FAM185A: variants seen among roughly 807,000 people sequenced by gnomAD.
FAM185A encodes family with sequence similarity 185 member A, also known as protein FAM185A.
In FAM185A, 21 loss-of-function variants were observed where a neutral mutation model predicts 45.7. The observed-to-expected ratio is 0.46, with a 90% CI of 0.33 to 0.66. The LOEUF is 0.66. Among genes scored for constraint, FAM185A ranks in the 30% least tolerant of loss-of-function variants. FAM185A has a pLI of 0.03. For missense variants in FAM185A, 305 were observed against 485.4 expected (o/e 0.63, Z 3.49); for synonymous variants, 117 against 194.0 (o/e 0.60, Z 3.30).
Position 102,761,322 on chromosome 7 carries a change from A to C in FAM185A, c.704A>C (p.Glu235Ala). The change falls in exon 4 of 8, where the codon GAA becomes GCA. Residue 235 changes from glutamate (E) to alanine (A), a missense_variant. Glu to Ala is a moderately radical substitution (Grantham distance 107). This residue lies in a region of FAM185A where 44 missense variants were observed against 66.8 expected (regional missense o/e 0.66). Coordinates refer to ENST00000413034, the MANE Select transcript of FAM185A (RefSeq NM_001145268.2). Reference sequence around the variant, plus strand: ...GGAAGTTCTGTTACTGTATCTACCGAAGATGGTTTGCTGAAAGCCAAGTAT... The same window carrying C: ...GGAAGTTCTGTTACTGTATCTACCGCAGATGGTTTGCTGAAAGCCAAGTAT... ...LQGSSVTVST[E>A]DGLLKAKYLY... 15 of 1,547,508 alleles carry C rather than the reference A, an allele frequency of 9.7e-6. No homozygotes were observed. Among genetic ancestry groups the C allele is most frequent in the Non-Finnish European group, 1.3e-5 (15 of 1,145,120 alleles).
chr7:102,759,380 T>G (rs1319156071), intron 3 of FAM185A, among the ~76,000 whole-genome samples: 5 of 152,266 alleles, frequency 3.3e-5, no homozygotes, highest in African/African-American at 9.6e-5. Flanking sequence ...TATTATACAA[T>G]TTTATTTCTT....
chr7:102,825,340 T>C, the FAM185A span, among the ~76,000 whole-genome samples: 23 of 152,278 alleles, frequency 1.5e-4, no homozygotes, highest in African/African-American at 5.3e-4. Flanking sequence ...GGTGGCTTTA[T>C]AAGAAGAAGA....
the FAM185A span, among the ~76,000 whole-genome samples, chr7:102,834,079 AGG>A: frequency 3.4e-5 from 4 of 118,120 alleles, no homozygotes; most frequent in Admixed American, 1.7e-4. Flanking sequence ...GAAGGAAGGA[AGG>A]AAAGAAAAGA....
At chr7:102,820,439 C>T in the FAM185A span, among the ~76,000 whole-genome samples, 6 of 152,202 alleles carry the variant, frequency 3.9e-5, no homozygotes. Flanking sequence ...AGCTAGTAGT[C>T]AAGTCTTACT....
chr7:102,754,690 G>C (rs1216742619), intron 2 of FAM185A, among the ~76,000 whole-genome samples: 2 of 152,206 alleles, frequency 1.3e-5, no homozygotes, highest in African/African-American at 4.8e-5. Context: ...GGGTCTTTCT[G>C]ATTTCCAAGC....
chr7:102,815,588 A>T, the FAM185A span, among the ~76,000 whole-genome samples: 1 of 152,160 alleles, frequency 6.6e-6, no homozygotes, highest in Non-Finnish European at 1.5e-5. Context: ...AATGCCACTG[A>T]TGTTGACTGT....
At chr7:102,796,460 G>A (rs3972456) in intron 7 of FAM185A, among the ~76,000 whole-genome samples, 70,119 of 152,034 alleles carry the variant, frequency 0.46, 18,247 homozygotes, top group African/African-American at 0.71. Context: ...GCGGGAATGG[G>A]GTTTGTTTGG....
At chr7:102,793,563 A>C (rs1194682526) in intron 7 of FAM185A, among the ~76,000 whole-genome samples, 3 of 151,914 alleles carry the variant, frequency 2.0e-5, no homozygotes, top group Non-Finnish European at 4.4e-5. Flanking sequence ...AGATCTTGAG[A>C]GTATCATGGG....
At chr7:102,799,159 A>C (rs1333337155) in intron 7 of FAM185A, among the ~76,000 whole-genome samples, 2 of 152,220 alleles carry the variant, frequency 1.3e-5, no homozygotes, top group Non-Finnish European at 2.9e-5. Context: ...ACAGAAAAAG[A>C]ACAGTTTAAA....
chr7:102,808,171 A>G, intron 7 of FAM185A, 119 bp from the exon 8 acceptor site: 1 of 711,092 alleles, frequency 1.4e-6, no homozygotes, highest in Non-Finnish European at 2.4e-6. Flanking sequence ...CCCAGTTCAG[A>G]CTATCTTTAC....
the FAM185A span, among the ~76,000 whole-genome samples, chr7:102,817,166 C>A: frequency 1.3e-5 from 2 of 152,170 alleles, no homozygotes; most frequent in Non-Finnish European, 2.9e-5. Context: ...TATTTTAGTT[C>A]TTTGAGAAGT....
At chr7:102,806,417 G>T (rs1438536276) in intron 7 of FAM185A, among the ~76,000 whole-genome samples, 1 of 152,126 alleles carries the variant, frequency 6.6e-6, no homozygotes, top group Non-Finnish European at 1.5e-5. Context: ...ACTCCTGACC[G>T]CAGGTGACCT....
At chr7:102,801,290 C>T (rs2129443765) in intron 7 of FAM185A, among the ~76,000 whole-genome samples, 1 of 151,972 alleles carries the variant, frequency 6.6e-6, no homozygotes, top group East Asian at 1.9e-4. Context: ...ACATAAATCT[C>T]ACAGGACCTA....
chr7:102,835,889 G>A, the FAM185A span, among the ~76,000 whole-genome samples: 3 of 152,250 alleles, frequency 2.0e-5, no homozygotes, highest in South Asian at 2.1e-4. Context: ...GATTACAGGC[G>A]TGAGCCACCG....
chr7:102,797,620 A>G (rs1186782849), intron 7 of FAM185A, among the ~76,000 whole-genome samples: 2 of 152,008 alleles, frequency 1.3e-5, no homozygotes, highest in African/African-American at 2.4e-5. Context: ...TTCATAGTGT[A>G]TGATTTATTT....
chr7:102,834,170 G>T, the FAM185A span, among the ~76,000 whole-genome samples: 1 of 148,242 alleles, frequency 6.7e-6, no homozygotes, highest in Non-Finnish European at 1.5e-5. Flanking sequence ...GAAAAAGGAG[G>T]AAATTTCCTC....
At chr7:102,818,007 G>A in the FAM185A span, among the ~76,000 whole-genome samples, 1 of 152,176 alleles carries the variant, frequency 6.6e-6, no homozygotes, top group East Asian at 1.9e-4. Context: ...ACACTGTACT[G>A]AAGTTTGTTA....
downstream of FAM185A, chr7:102,814,194 T>G (rs1797681759): frequency 6.6e-6 from 1 of 152,234 alleles, no homozygotes; most frequent in Non-Finnish European, 1.5e-5. Flanking sequence ...AAGAATTTCC[T>G]TTCCTAGAAA....
rs1793167984 is a variant in FAM185A, at chr7:102,749,094, C to T, written c.-114C>T. 1 of 1,449,824 alleles carries T rather than the reference C, an allele frequency of 6.9e-7. No homozygotes were observed. The highest frequency in any genetic ancestry group is 9.5e-7 in the Non-Finnish European group (1 of 1,056,762). 89.8% of individuals were successfully genotyped at this position (1,449,824 alleles called of 1,614,324 possible). On this transcript the variant is annotated 5_prime_UTR_variant, in exon 1 of 8. Coordinates refer to ENST00000413034, the MANE Select transcript of FAM185A (RefSeq NM_001145268.2). The stretch of plus-strand genomic sequence containing the variant: ...CGGCTCGCTCTTGTTTCAGCAAACC[C>T]TGACTTACGTCTCCTATTTGACTTG...
Sources: gnomAD v4.1 joint callset for allele counts (sites outside exome capture counted in the v4.1 genomes callset) on GRCh38, gnomAD v4.1.1 for gene constraint, gnomAD v4.1.1 regional missense constraint, MANE v1.5 for transcripts, NCBI Gene and HGNC (gene_info 2026-07-23, HGNC 2026-07-21) for gene names.